Variants in WWC1 observed in about 807,000 individuals in gnomAD.
WWC1 encodes the protein WW and C2 domain containing 1, also known as protein KIBRA.
WWC1 carries 55 observed loss-of-function variants against 138.4 expected under a neutral mutation model. That is an observed-to-expected ratio of 0.40 (90% CI 0.32 to 0.50). The LOEUF (loss-of-function observed/expected upper bound fraction) is 0.50. Among genes scored for constraint, WWC1 ranks in the 20% least tolerant of loss-of-function variants. WWC1 has a pLI of 0.72. For missense variants in WWC1, 1,226 were observed against 1,420.4 expected (o/e 0.86, Z 2.20); for synonymous variants, 524 against 564.9 (o/e 0.93, Z 1.03).
intron 15 of WWC1, among the ~76,000 whole-genome samples, chr5:168,433,653 T>A (rs1259525409): frequency 6.6e-6 from 1 of 152,216 alleles, no homozygotes; most frequent in Non-Finnish European, 1.5e-5. Flanking sequence ...TTCTCCTGCC[T>A]TAGACTCCAG....
rs1561731423 is a variant in WWC1, at chr5:168,414,859, CAATT to C, written c.1184+272_1184+275del. 1.9e-5 allele frequency: 9 copies of C among 463,914 alleles called. 1 individual carries two copies. Among genetic ancestry groups the C allele is most frequent in the Middle Eastern group, 1.1e-3 (2 of 1,782 alleles). 28.7% of individuals were successfully genotyped at this position (463,914 alleles called of 1,614,324 possible). Reference sequence around the variant, plus strand: ...GTGTTCAAAAATGTATCTTCTGACTCAATTAAGCCACATAACTCTATATAACTTA... The same window carrying C: ...GTGTTCAAAAATGTATCTTCTGACTCAAGCCACATAACTCTATATAACTTA... On this transcript the variant is annotated intron_variant, in intron 9 of 22. Coordinates refer to ENST00000265293, the MANE Select transcript of WWC1 (RefSeq NM_015238.3).
At chr5:168,316,043 G>A (rs1771557003) in intron 1 of WWC1, among the ~76,000 whole-genome samples, 1 of 152,220 alleles carries the variant, frequency 6.6e-6, no homozygotes, top group Non-Finnish European at 1.5e-5. Flanking sequence ...ACCCAGGACA[G>A]CTAGAATGCT....
At chr5:168,412,924 C>T (rs1780338745) in intron 8 of WWC1, among the ~76,000 whole-genome samples, 1 of 152,088 alleles carries the variant, frequency 6.6e-6, no homozygotes, top group Admixed American at 6.6e-5. Context: ...GTGGGAGGTC[C>T]TGGAACCAAT....
chr5:168,429,698 C>T (rs1781791796), intron 13 of WWC1, among the ~76,000 whole-genome samples: 1 of 151,328 alleles, frequency 6.6e-6, no homozygotes, highest in East Asian at 2.0e-4. Flanking sequence ...CTTTGGGAGG[C>T]TGAGGCAGAG....
At chr5:168,426,440 C>T (rs1321431211) in intron 11 of WWC1, among the ~76,000 whole-genome samples, 2 of 152,198 alleles carry the variant, frequency 1.3e-5, no homozygotes, top group African/African-American at 2.4e-5. Context: ...GGGCCTCAGA[C>T]AGCACATTAG....
In WWC1 at chr5:168,428,639, C is replaced by T. The variant is rs913429079; in HGVS notation, c.1920-68C>T. 1.8e-5 allele frequency: 27 copies of T among 1,507,894 alleles called. No homozygotes were observed. The Admixed American group carries it at 1.9e-4, about 10-fold the overall frequency. 93.4% of individuals were successfully genotyped at this position (1,507,894 alleles called of 1,614,324 possible). A position where few individuals can be genotyped will look rare whatever the true frequency, so the allele number is the denominator to read the frequency against. On this transcript the variant is annotated intron_variant, in intron 12 of 22. Transcript: ENST00000265293. ...CCAACTTTCCTTCCTGGGGATGTAA[C>T]CTCAGCCTCCCAGAATAGTTTGTTC... is the stretch of plus-strand genomic sequence containing the variant.
rs530871633 is a variant in WWC1 at position 168,453,655 on chromosome 5, C to T, written c.2526-313C>T. Among the ~76,000 whole-genome samples the T allele has an allele frequency of 3.3e-5, 5 of 152,264 alleles. No individual in the cohort carries two copies. In the East Asian group the frequency reaches 7.7e-4, roughly 24 times the overall value. ...CCACCTCCCGGGTTCAAGCAATTCT[C>T]CTGCCTCAGCCTCCCGAGTAGCTGG... is the stretch of plus-strand genomic sequence containing the variant. On this transcript the variant is annotated intron_variant, in intron 17 of 22. Transcript: ENST00000265293.
chr5:168,438,786 G>C (rs983397414), intron 15 of WWC1, among the ~76,000 whole-genome samples: 3 of 151,644 alleles, frequency 2.0e-5, no homozygotes, highest in Admixed American at 6.6e-5. Flanking sequence ...TTCTAGGAAG[G>C]CTGTAGGGGA....
chr5:168,406,039 T>A (rs749156320), intron 5 of WWC1, among the ~76,000 whole-genome samples, 159 bp from the exon 6 acceptor site: 7 of 152,192 alleles, frequency 4.6e-5, no homozygotes, highest in African/African-American at 9.7e-5. Context: ...GGACCTTCTA[T>A]GCCTTATCCC....
intron 20 of WWC1, among the ~76,000 whole-genome samples, chr5:168,461,165 C>G (rs1033303791): frequency 1.3e-5 from 2 of 152,072 alleles, no homozygotes. Context: ...CCCATCTCTA[C>G]TAAAAATACA....
chr5:168,291,925 T>G lies in WWC1; in HGVS notation c.-228T>G. ...GCCGCTGCGGACGCACATGGCAGCG[T>G]GAGAGGCCGGCGGCGGGAGGAGCGG... On this transcript the variant is annotated 5_prime_UTR_variant, in exon 1 of 23. The change abolishes the stop of an existing upstream ORF in the 5' untranslated region. Transcript: ENST00000265293. 4.0e-6 allele frequency: 1 copy of G among 248,158 alleles called. No individual in the cohort carries two copies. Among genetic ancestry groups the G allele is most frequent in the Non-Finnish European group, 7.4e-6 (1 of 135,740 alleles). 15.4% of individuals were successfully genotyped at this position (248,158 alleles called of 1,614,324 possible). A position where few individuals can be genotyped will look rare whatever the true frequency, so the allele number is the denominator to read the frequency against.
chr5:168,296,138 G>A (rs965741209), intron 1 of WWC1, among the ~76,000 whole-genome samples: 11 of 152,198 alleles, frequency 7.2e-5, no homozygotes, highest in Non-Finnish European at 1.3e-4. Context: ...CAAATGCACC[G>A]ATTGTTCTCG....
At chr5:168,442,144 G>A (rs992996746) in intron 16 of WWC1, among the ~76,000 whole-genome samples, 3 of 152,170 alleles carry the variant, frequency 2.0e-5, no homozygotes, top group African/African-American at 7.2e-5. Flanking sequence ...AAAAACTGTG[G>A]AAGGAAAAAG....
At chr5:168,457,373 A>G (rs1208138896) in intron 19 of WWC1, among the ~76,000 whole-genome samples, 3 of 152,056 alleles carry the variant, frequency 2.0e-5, no homozygotes, top group Non-Finnish European at 2.9e-5. Flanking sequence ...TTTGTTTTGC[A>G]CCCACAAGAT....
chr5:168,409,829 C>T (rs764405566), intron 7 of WWC1, 93 bp from the exon 8 acceptor site: 14 of 1,322,720 alleles, frequency 1.1e-5, no homozygotes, highest in African/African-American at 2.9e-5. Context: ...CTACTGCCCA[C>T]GCAAGCTGTC....
At chr5:168,378,202 C>T (rs1777367162) in intron 2 of WWC1, among the ~76,000 whole-genome samples, 1 of 152,134 alleles carries the variant, frequency 6.6e-6, no homozygotes, top group Non-Finnish European at 1.5e-5. Context: ...CTTGTTCTCA[C>T]TTTATTTTTT....
intron 1 of WWC1, among the ~76,000 whole-genome samples, chr5:168,310,584 C>T (rs146494514): frequency 6.9e-4 from 105 of 152,022 alleles, no homozygotes; most frequent in African/African-American, 2.5e-3. Flanking sequence ...CCTGTAAATT[C>T]AGCACTTTGG....
At chr5:168,383,191 A>G (rs548676674) in intron 2 of WWC1, among the ~76,000 whole-genome samples, 22 of 151,982 alleles carry the variant, frequency 1.4e-4, no homozygotes, top group Admixed American at 7.9e-4. Flanking sequence ...ACAAAAAAAA[A>G]AAAAGAAAAG....
intron 1 of WWC1, among the ~76,000 whole-genome samples, chr5:168,297,132 G>C (rs1230790653): frequency 6.6e-6 from 1 of 152,232 alleles, no homozygotes. Context: ...GTAGTTATGG[G>C]TGATAAGTAA....
Sources: allele counts gnomAD v4.1 joint callset (sites outside exome capture counted in the v4.1 genomes callset), GRCh38; gene constraint gnomAD v4.1.1; transcripts MANE v1.5; gene names NCBI Gene and HGNC (gene_info 2026-07-23, HGNC 2026-07-21).